The following HMGCS1 variants were observed in gnomAD, a reference collection of about 807,000 sequenced individuals.
HMGCS1 encodes hydroxymethylglutaryl-CoA synthase, cytoplasmic.
Under a neutral mutation model 52.3 loss-of-function variants are expected in HMGCS1, and 9 were observed. That is an observed-to-expected ratio of 0.17 (90% CI 0.10 to 0.30). HMGCS1 has a LOEUF of 0.30. Ranked by LOEUF, HMGCS1 falls within the 10% of genes least tolerant of loss-of-function variation. HMGCS1 has a pLI of 1.00. For synonymous variants in HMGCS1, 176 were observed against 214.4 expected, an observed-to-expected ratio of 0.82 and a Z score of 1.57; for missense variants, 320 against 620.9, an observed-to-expected ratio of 0.52 and a Z score of 5.15.
intron 2 of HMGCS1, among the ~76,000 whole-genome samples, chr5:43,305,884 C>T (rs1163311831): frequency 4.0e-5 from 6 of 151,426 alleles, no homozygotes; most frequent in Admixed American, 2.0e-4. Flanking sequence ...AAAAAAATTA[C>T]GTTTTTAATT....
intron 2 of HMGCS1, among the ~76,000 whole-genome samples, chr5:43,306,707 T>C (rs1207301815): frequency 2.1e-5 from 1 of 46,878 alleles, no homozygotes; most frequent in East Asian, 2.6e-4. Context: ...CCAAGCATTG[T>C]TCAGATAAGG....
chr5:43,302,372 C>T (rs1455637315), intron 2 of HMGCS1, among the ~76,000 whole-genome samples: 1 of 152,212 alleles, frequency 6.6e-6, no homozygotes, highest in African/African-American at 2.4e-5. Context: ...TCTTCAACAA[C>T]CCACCTCGTG....
intron 1 of HMGCS1, among the ~76,000 whole-genome samples, chr5:43,311,550 C>T (rs542953591): frequency 2.3e-4 from 35 of 152,290 alleles, no homozygotes; most frequent in African/African-American, 8.4e-4. Context: ...AGCTACATCT[C>T]ATATCCAATT....
At chr5:43,302,821 T>C (rs1561121298) in intron 2 of HMGCS1, among the ~76,000 whole-genome samples, 1 of 152,208 alleles carries the variant, frequency 6.6e-6, no homozygotes, top group Non-Finnish European at 1.5e-5. Flanking sequence ...GCATTCTTTT[T>C]TGGGATCTTG....
In HMGCS1 at chr5:43,292,444, A is replaced by C. The variant is rs189921551; in HGVS notation, c.1473+30T>G. ...TCCCAGTTAGGTCTCCTAAACCCTA[A>C]GATATGGAGATGGGAACTCTTTTAT... On this transcript the variant is annotated intron_variant, in intron 10 of 10. Transcript: ENST00000325110. 2.5e-6 allele frequency: 4 copies of C among 1,594,844 alleles called. No homozygotes were observed. In the East Asian group the frequency reaches 6.7e-5, roughly 27 times the overall value.
chr5:43,304,108 T>C (rs1018250447), intron 2 of HMGCS1, among the ~76,000 whole-genome samples: 2 of 152,216 alleles, frequency 1.3e-5, no homozygotes, highest in Non-Finnish European at 2.9e-5. Context: ...TCTAAGTTTA[T>C]AGTAAAATAA....
At chr5:43,307,393 C>T (rs1035597364) in intron 2 of HMGCS1, among the ~76,000 whole-genome samples, 1 of 152,078 alleles carries the variant, frequency 6.6e-6, no homozygotes, top group Non-Finnish European at 1.5e-5. Context: ...TAATTTTAAA[C>T]ATTCATCCAC....
At chr5:43,312,889 C>A (rs866512949) in intron 1 of HMGCS1, 1 of 152,362 alleles carries the variant, frequency 6.6e-6, no homozygotes, top group East Asian at 1.9e-4. Context: ...GCAGGACACA[C>A]CCCCTGCGAA....
intron 10 of HMGCS1, 75 bp downstream of exon 10, chr5:43,292,399 C>T: frequency 9.8e-7 from 1 of 1,023,396 alleles, no homozygotes; most frequent in Non-Finnish European, 1.4e-6. Context: ...TCTTTACTGA[C>T]ATTTATTTAT....
At chr5:43,297,280 C>T in intron 4 of HMGCS1, 114 bp from the exon 5 acceptor site, 1 of 844,910 alleles carries the variant, frequency 1.2e-6, no homozygotes, top group South Asian at 1.7e-5. Context: ...CAATTCTCAC[C>T]ACTTACAGTA....
intron 8 of HMGCS1, among the ~76,000 whole-genome samples, chr5:43,293,191 T>G (rs1317550327): frequency 1.3e-5 from 2 of 152,200 alleles, no homozygotes; most frequent in East Asian, 3.8e-4. Flanking sequence ...CTAGACAAGT[T>G]AGGAAACAGG....
At chr5:43,294,320 G>T in intron 7 of HMGCS1, 158 bp from the exon 8 acceptor site, 1 of 573,482 alleles carries the variant, frequency 1.7e-6, no homozygotes, top group Non-Finnish European at 3.1e-6. Context: ...ATTGCAGTAG[G>T]GAATATAACT....
rs80285188 is a variant in HMGCS1 at position 43,297,931 on chromosome 5, C to T, written c.574+78G>A. ...CTGCATTTAATGACCATTAAGTAAG[C>T]GACAGCTCCTACTTCTATTTTCAAA... On this transcript the variant is annotated intron_variant, in intron 4 of 10. Transcript: ENST00000325110. 7.4e-4 allele frequency: 961 copies of T among 1,305,626 alleles called. 4 individuals carry two copies. Among genetic ancestry groups the T allele is most frequent in the African/African-American group, 7.0e-3 (468 of 66,972 alleles). The allele number at this position is 1,305,626 out of a possible 1,614,324, so 80.9% of individuals were successfully genotyped here. A position where few individuals can be genotyped will look rare whatever the true frequency, so the allele number is the denominator to read the frequency against.
chr5:43,298,932 A>G lies in HMGCS1; in HGVS notation c.34T>C (p.Cys12Arg), dbSNP rs745354777. The G allele has an allele frequency of 1.2e-6, 2 of 1,613,796 alleles. No homozygotes were observed. The highest frequency in any genetic ancestry group is 8.5e-7 in the Non-Finnish European group (1 of 1,179,880). Residue 12 changes from cysteine to arginine, a missense_variant, in exon 3 of 11, where the codon TGC (cysteine) becomes CGC (arginine). By Grantham distance (180) the Cys-to-Arg change is radical. This residue lies in a region of HMGCS1 where 22 missense variants were observed against 23.5 expected (regional missense o/e 0.94). Coordinates refer to ENST00000325110, the MANE Select transcript of HMGCS1 (RefSeq NM_001098272.3). The surrounding 1 kb of genome is among the most constrained non-coding windows in gnomAD (Gnocchi z 5.6). ...PGSLPLNAEACWPKDVGIVAL... is the reference protein window; with the variant it reads ...PGSLPLNAEARWPKDVGIVAL... ...ACAATTCCCACATCTTTTGGCCAGC[A>G]AGCTTCTGCATTCAAAGGAAGTGAT...
chr5:43,311,002 C>G (rs1233111504), intron 1 of HMGCS1, among the ~76,000 whole-genome samples: 1 of 152,200 alleles, frequency 6.6e-6, no homozygotes, highest in Non-Finnish European at 1.5e-5. Flanking sequence ...AACATCAACA[C>G]ACGCCATGCA....
chr5:43,311,085 G>A (rs986501411), intron 1 of HMGCS1, among the ~76,000 whole-genome samples: 1 of 152,150 alleles, frequency 6.6e-6, no homozygotes, highest in Non-Finnish European at 1.5e-5. Context: ...AGCACTTTGG[G>A]AGGCCAAGGC....
intron 5 of HMGCS1, 134 bp from the exon 6 acceptor site, chr5:43,296,051 C>G (rs1216863279): frequency 1.7e-6 from 1 of 599,450 alleles, no homozygotes; most frequent in Non-Finnish European, 2.9e-6. Flanking sequence ...TGAAACCTCT[C>G]TATACCTTAA....
chr5:43,295,612 G>C (rs904664946), intron 6 of HMGCS1, 140 bp downstream of exon 6: 1 of 609,034 alleles, frequency 1.6e-6, no homozygotes, highest in East Asian at 2.6e-5. Context: ...ATTCTTCACT[G>C]ACTGAGACAC....
chr5:43,292,954 T>C lies in HMGCS1; in HGVS notation c.1203A>G (p.Ile401Met). The C allele has an allele frequency of 1.9e-6, 3 of 1,602,964 alleles. No homozygotes were observed. Among genetic ancestry groups the C allele is most frequent in the Non-Finnish European group, 2.5e-6 (3 of 1,176,640 alleles). ...DATPGSALDKITASLCDLKSR... is the reference protein window; with the variant it reads ...DATPGSALDKMTASLCDLKSR... Reference sequence around the variant, plus strand: ...ATTTAAGATCACATAAACTTGCTGTTATTTTATCAAGAGCAGACCCTAAAA... The same window carrying C: ...ATTTAAGATCACATAAACTTGCTGTCATTTTATCAAGAGCAGACCCTAAAA... The change falls in exon 9 of 11, where the codon ATA becomes ATG. Residue 401 changes from isoleucine (I) to methionine (M), a missense_variant. Coordinates refer to ENST00000325110, the MANE Select transcript of HMGCS1 (RefSeq NM_001098272.3).
Sources: allele counts gnomAD v4.1 joint callset (sites outside exome capture counted in the v4.1 genomes callset), GRCh38; gene constraint gnomAD v4.1.1; regional missense constraint gnomAD v4.1.1; non-coding constraint Gnocchi (gnomAD v3.1); transcripts MANE v1.5; gene names NCBI Gene and HGNC (gene_info 2026-07-23, HGNC 2026-07-21).